Variants in USP34 observed in about 807,000 individuals in gnomAD.
USP34 encodes the protein ubiquitin specific peptidase 34, also known as ubiquitin carboxyl-terminal hydrolase 34.
In USP34, 70 loss-of-function variants were observed where a neutral mutation model predicts 460.3. That is an observed-to-expected ratio of 0.15 (90% CI 0.13 to 0.19). The LOEUF (loss-of-function observed/expected upper bound fraction) is 0.19. USP34 is among the 10% of genes least tolerant of loss of function. The pLI is 1.00. For missense variants in USP34, 3,985 were observed against 4,236.2 expected (o/e 0.94, Z 1.65); for synonymous variants, 1,647 against 1,405.3 (o/e 1.17, Z -3.85).
At chr2:61,268,425 C>G (rs1358433176) in intron 41 of USP34, among the ~76,000 whole-genome samples, 1 of 106,272 alleles carries the variant, frequency 9.4e-6, no homozygotes, top group Non-Finnish European at 1.7e-5. Context: ...TGAGTTCATG[C>G]AAGAGCTGTT....
At chr2:61,262,854 TGAC>T (rs1485053238) in intron 43 of USP34, among the ~76,000 whole-genome samples, 1 of 152,244 alleles carries the variant, frequency 6.6e-6, no homozygotes, top group African/African-American at 2.4e-5. Flanking sequence ...AGTTATTTTT[TGAC>T]TTTTTATTAA....
chr2:61,464,543 T>G (rs996139751), intron 1 of USP34, among the ~76,000 whole-genome samples: 1 of 151,938 alleles, frequency 6.6e-6, no homozygotes, highest in Non-Finnish European at 1.5e-5. Flanking sequence ...CTTGGTAAAC[T>G]ATAACCCACC....
chr2:61,426,786 C>G (rs549021484), intron 1 of USP34, among the ~76,000 whole-genome samples: 78 of 152,202 alleles, frequency 5.1e-4, no homozygotes, highest in African/African-American at 1.8e-3. Context: ...CAAGACTGAC[C>G]CAGCACAGTC....
At chr2:61,345,524 G>C (rs557475780) in intron 15 of USP34, among the ~76,000 whole-genome samples, 2 of 152,280 alleles carry the variant, frequency 1.3e-5, no homozygotes, top group African/African-American at 4.8e-5. Context: ...AGTATCACTC[G>C]TAACGACAAT....
chr2:61,248,610 T>C lies in USP34; in HGVS notation c.6295A>G (p.Met2099Val). 6.2e-7 allele frequency: 1 copy of C among 1,610,116 alleles called. No homozygotes were observed. The highest frequency in any genetic ancestry group is 1.1e-5 in the South Asian group (1 of 90,456). The change falls in exon 49 of 80, where the codon ATG becomes GTG. Residue 2099 changes from methionine (M) to valine (V), a missense_variant. Around this residue, in one of 14 missense-constraint regions of USP34, gnomAD observed 145 missense variants for 291.6 expected, o/e 0.50. Transcript: ENST00000398571. ...MRYTFNMVTM[M>V]KEKVNTHFSF... is the part of the protein sequence containing the mutation. ...AAGTGTGTATTCACTTTCTCTTTCA[T>C]CATCGTGACCATATTAAATGTGTAT...
At chr2:61,301,539 A>T in intron 27 of USP34, 85 bp from the exon 28 acceptor site, 1 of 1,148,498 alleles carries the variant, frequency 8.7e-7, no homozygotes, top group Non-Finnish European at 1.3e-6. Context: ...TAGCAATTAA[A>T]CACACTGTAT....
intron 6 of USP34, among the ~76,000 whole-genome samples, chr2:61,382,474 T>TCA (rs1693002445): frequency 6.6e-6 from 1 of 152,192 alleles, no homozygotes; most frequent in East Asian, 1.9e-4. Flanking sequence ...CCATCAGATA[T>TCA]CACCCTTCAG....
rs1011246354 is a variant in USP34, at chr2:61,397,902, G to GA, written c.553-2670dup. Reference sequence around the variant, plus strand: ...TGACAAAGCAAGACTTCATCTCAAAGAAAAAAAAAAAGAAATTAACCAGGG... The same window carrying GA: ...TGACAAAGCAAGACTTCATCTCAAAGAAAAAAAAAAAAGAAATTAACCAGGG... On this transcript the variant is annotated intron_variant, in intron 3 of 79. Coordinates refer to ENST00000398571, the MANE Select transcript of USP34 (RefSeq NM_014709.4). Among the ~76,000 whole-genome samples, 185 of 136,278 alleles carry GA rather than the reference G, an allele frequency of 1.4e-3. 1 individual carries two copies. The highest frequency in any genetic ancestry group is 2.2e-3 in the Non-Finnish European group (140 of 62,608). The allele number at this position is 136,278 out of a possible 152,430, so 89.4% of individuals were successfully genotyped here.
At chr2:61,359,779 GTTTTTTTTTTT>G (rs35258583) in intron 10 of USP34, among the ~76,000 whole-genome samples, 1 of 86,864 alleles carries the variant, frequency 1.2e-5, no homozygotes, top group Admixed American at 1.5e-4. Flanking sequence ...GCCCACAGTT[GTTTTTTTTTTT>G]TTTTTTTTTT....
intron 18 of USP34, among the ~76,000 whole-genome samples, chr2:61,335,627 T>TA (rs1429114929): frequency 6.6e-6 from 1 of 152,286 alleles, no homozygotes; most frequent in Middle Eastern, 3.4e-3. Context: ...CACATGCCTG[T>TA]AGTCCCACCT....
intron 41 of USP34, among the ~76,000 whole-genome samples, chr2:61,269,542 A>G (rs1360736825): frequency 2.0e-5 from 3 of 152,118 alleles, no homozygotes; most frequent in East Asian, 3.8e-4. Flanking sequence ...TTTGAAAACA[A>G]TAATTCAATA....
At chr2:61,349,871 A>AACAAC (rs1558543443) in intron 12 of USP34, among the ~76,000 whole-genome samples, 2 of 151,284 alleles carry the variant, frequency 1.3e-5, no homozygotes, top group East Asian at 1.9e-4. Context: ...ACAACAACAA[A>AACAAC]AAAACCCCAC....
intron 75 of USP34, among the ~76,000 whole-genome samples, chr2:61,196,981 A>C (rs1219627033): frequency 1.3e-5 from 2 of 152,146 alleles, no homozygotes; most frequent in African/African-American, 2.4e-5. Flanking sequence ...TTTACAAGTA[A>C]AGATGGAAAT....
intron 2 of USP34, among the ~76,000 whole-genome samples, chr2:61,418,246 A>C (rs1558582995): frequency 1.3e-5 from 2 of 151,542 alleles, no homozygotes; most frequent in Non-Finnish European, 2.9e-5. Context: ...CGCCTGGCTA[A>C]TTTTTGTATT....
intron 49 of USP34, among the ~76,000 whole-genome samples, chr2:61,246,821 A>G (rs543669143): frequency 6.6e-6 from 1 of 152,290 alleles, no homozygotes; most frequent in South Asian, 2.1e-4. Flanking sequence ...AAGTATAAAT[A>G]TAAAATATTT....
chr2:61,342,220 G>A (rs1210319248), intron 16 of USP34, among the ~76,000 whole-genome samples: 1 of 150,210 alleles, frequency 6.7e-6, no homozygotes, highest in African/African-American at 2.4e-5. Context: ...TAGGTATGTA[G>A]TAGTGCCTCA....
intron 75 of USP34, among the ~76,000 whole-genome samples, chr2:61,199,171 T>G (rs1043190523): frequency 2.0e-5 from 3 of 152,230 alleles, no homozygotes; most frequent in African/African-American, 7.2e-5. Context: ...TTTTGTGTCC[T>G]AGGTAGCATG....
At chr2:61,308,339 A>G (rs1690478310) in intron 27 of USP34, among the ~76,000 whole-genome samples, 1 of 152,174 alleles carries the variant, frequency 6.6e-6, no homozygotes, top group Non-Finnish European at 1.5e-5. Context: ...TTTTCAGAGA[A>G]AAAAGAGCTC....
intron 68 of USP34, among the ~76,000 whole-genome samples, chr2:61,213,447 G>T (rs1039361823): frequency 6.6e-6 from 1 of 152,126 alleles, no homozygotes; most frequent in Admixed American, 6.6e-5. Context: ...TTACAACAGA[G>T]AATAAGAGGC....
Sources: allele counts gnomAD v4.1 joint callset (sites outside exome capture counted in the v4.1 genomes callset), GRCh38; gene constraint gnomAD v4.1.1; regional missense constraint gnomAD v4.1.1; transcripts MANE v1.5; gene names NCBI Gene and HGNC (gene_info 2026-07-23, HGNC 2026-07-21).